Variants in KDELR2 observed in about 807,000 individuals in gnomAD.
KDELR2 encodes ER lumen protein-retaining receptor 2.
KDELR2 carries 15 observed loss-of-function variants against 23.9 expected under a neutral mutation model. The ratio of observed to expected loss-of-function variants is 0.63; its 90% CI spans 0.42 to 0.97. The LOEUF is 0.97. Among genes scored for constraint, KDELR2 ranks in the 50% least tolerant of loss-of-function variants. The pLI is 0.00. For synonymous variants in KDELR2, 119 were observed against 106.2 expected (o/e 1.12, Z -0.74); for missense variants, 272 against 254.6 (o/e 1.07, Z -0.46).
intron 1 of KDELR2, among the ~76,000 whole-genome samples, chr7:6,481,575 C>T (rs1167997835): frequency 1.3e-5 from 2 of 151,836 alleles, no homozygotes; most frequent in African/African-American, 2.4e-5. Flanking sequence ...AAAGTAACAT[C>T]GCCGGGCACT....
At chr7:6,468,253 A>G (rs1289253743) in intron 3 of KDELR2, among the ~76,000 whole-genome samples, 1 of 152,196 alleles carries the variant, frequency 6.6e-6, no homozygotes, top group East Asian at 1.9e-4. Flanking sequence ...GAAAATAAAA[A>G]CAAAAAACTC....
Position 6,469,587 on chromosome 7 carries a change from T to C in KDELR2, c.351+9A>G, listed in dbSNP as rs764506317. The C allele has an allele frequency of 5.0e-6, 8 of 1,612,718 alleles. No homozygotes were observed. Among genetic ancestry groups the C allele is most frequent in the Non-Finnish European group, 6.8e-6 (8 of 1,179,544 alleles). ...CCATGCCTGGCCCTAAGTAACCTTT[T>C]AAACTAACCTCAAGAGGAGAGAAAT... is the stretch of plus-strand genomic sequence containing the variant. On this transcript the variant is annotated intron_variant, in intron 3 of 4. Coordinates refer to ENST00000258739, the MANE Select transcript of KDELR2 (RefSeq NM_006854.4).
At chr7:6,471,790 T>C (rs1286050865) in intron 2 of KDELR2, among the ~76,000 whole-genome samples, 1 of 152,200 alleles carries the variant, frequency 6.6e-6, no homozygotes, top group Non-Finnish European at 1.5e-5. Context: ...GGACAGTGGA[T>C]AAAGCTGCTG....
chr7:6,471,263 C>A (rs1229039189), intron 2 of KDELR2, among the ~76,000 whole-genome samples: 1 of 132,934 alleles, frequency 7.5e-6, no homozygotes, highest in African/African-American at 2.8e-5. Context: ...CTCACTGCAA[C>A]CTCCGCCTCC....
At chr7:6,482,292 G>T in intron 1 of KDELR2, 1 of 182,428 alleles carries the variant, frequency 5.5e-6, no homozygotes, top group Non-Finnish European at 1.2e-5. Context: ...AGCCATCGCG[G>T]CCGGCCCTCC....
chr7:6,479,358 C>T (rs190890689), intron 1 of KDELR2, among the ~76,000 whole-genome samples: 3 of 152,018 alleles, frequency 2.0e-5, no homozygotes, highest in African/African-American at 7.2e-5. Flanking sequence ...TTTCACCATG[C>T]TGCCCAAGCT....
chr7:6,482,667 C>G (rs1188642549), intron 1 of KDELR2: 1 of 396,958 alleles, frequency 2.5e-6, no homozygotes, highest in African/African-American at 2.1e-5. Context: ...TAAATAGAGT[C>G]TCTGCACCCA....
At chr7:6,465,312 T>C (rs1012905062) in intron 4 of KDELR2, among the ~76,000 whole-genome samples, 1 of 151,224 alleles carries the variant, frequency 6.6e-6, no homozygotes. Context: ...GCCTCCCGAG[T>C]AACTGGGACT....
At chr7:6,474,490 G>C (rs79572226) in intron 1 of KDELR2, among the ~76,000 whole-genome samples, 1,735 of 152,208 alleles carry the variant, frequency 0.011, 19 homozygotes, top group African/African-American at 0.04. Context: ...GGCTCTAACA[G>C]GCTTTTCTGT....
intron 1 of KDELR2, among the ~76,000 whole-genome samples, chr7:6,476,823 T>C (rs545137802): frequency 2.3e-4 from 35 of 152,222 alleles, no homozygotes; most frequent in Admixed American, 5.9e-4. Flanking sequence ...ACAGTACTTA[T>C]AAAAATACAC....
intron 2 of KDELR2, 145 bp downstream of exon 2, chr7:6,474,039 G>A: frequency 1.8e-6 from 1 of 570,230 alleles, no homozygotes. Context: ...ATACAAGGTG[G>A]TCTGAAAGTT....
chr7:6,474,265 C>T lies in KDELR2; in HGVS notation c.111G>A (p.Gln37=). The T allele has an allele frequency of 1.2e-6, 2 of 1,613,396 alleles. No individual in the cohort carries two copies. The highest frequency in any genetic ancestry group is 8.5e-7 in the Non-Finnish European group (1 of 1,179,400). Residue 37 remains glutamine (Q), a synonymous_variant, in exon 2 of 5, where the codon CAG becomes CAA. Coordinates refer to ENST00000258739, the MANE Select transcript of KDELR2 (RefSeq NM_006854.4). The stretch of plus-strand genomic sequence containing the variant: ...TTGTGAAGACCAGTGCAAACAGAAG[C>T]TGGCTTTTCCCAGAAATACCTAGAG... ...RSCAGISGKS[Q]LLFALVFTTR...
chr7:6,482,812 CT>C (rs1201385590), intron 1 of KDELR2, among the ~76,000 whole-genome samples: 1 of 147,356 alleles, frequency 6.8e-6, no homozygotes, highest in Non-Finnish European at 1.5e-5. Context: ...ATGGTGAAAC[CT>C]TGTGTCTACA....
intron 1 of KDELR2, among the ~76,000 whole-genome samples, chr7:6,477,178 G>A (rs1785771295): frequency 6.6e-6 from 1 of 152,236 alleles, no homozygotes; most frequent in Non-Finnish European, 1.5e-5. Context: ...TGCGCACAGG[G>A]CAGTGTGTGG....
At chr7:6,482,973 C>G (rs1338213599) in intron 1 of KDELR2, among the ~76,000 whole-genome samples, 1 of 147,410 alleles carries the variant, frequency 6.8e-6, no homozygotes, top group Non-Finnish European at 1.5e-5. Flanking sequence ...ACACTGCACT[C>G]AAGCCTGGGT....
intron 1 of KDELR2, among the ~76,000 whole-genome samples, chr7:6,481,652 T>G (rs1403299962): frequency 6.6e-6 from 1 of 151,654 alleles, no homozygotes; most frequent in Admixed American, 6.6e-5. Context: ...CCCAGGAGTT[T>G]GGGGCTGTAG....
At chr7:6,478,854 T>TCTCGGCTCACTGCAAC (rs1477815050) in intron 1 of KDELR2, among the ~76,000 whole-genome samples, 5 of 152,246 alleles carry the variant, frequency 3.3e-5, no homozygotes, top group African/African-American at 1.2e-4. Context: ...AGTGGTGCGA[T>TCTCGGCTCACTGCAAC]CTCGGCTCAC....
Position 6,463,018 on chromosome 7 carries a change from T to C in KDELR2, c.*123A>G, listed in dbSNP as rs367722364. ...CTCTGCGTTTTTACAGAGCCACTGA[T>C]GACTATCTGCAACAAAAGAGTTAAG... is the stretch of plus-strand genomic sequence containing the variant. On this transcript the variant is annotated 3_prime_UTR_variant, in exon 5 of 5. Transcript: ENST00000258739. 3.7e-6 allele frequency: 6 copies of C among 1,614,214 alleles called. No individual in the cohort carries two copies. The African/African-American group carries it at 5.3e-5, about 14-fold the overall frequency.
chr7:6,471,175 G>GTT (rs1562500241), intron 2 of KDELR2, among the ~76,000 whole-genome samples: 24 of 117,188 alleles, frequency 2.0e-4, no homozygotes, highest in African/African-American at 7.0e-4. Context: ...CATTTGTTTC[G>GTT]GTTTTTTTTT....
Sources: allele counts gnomAD v4.1 joint callset (sites outside exome capture counted in the v4.1 genomes callset), GRCh38; gene constraint gnomAD v4.1.1; transcripts MANE v1.5; gene names NCBI Gene and HGNC (gene_info 2026-07-23, HGNC 2026-07-21).